ALPK1: variants seen among roughly 807,000 people sequenced by gnomAD.
ALPK1 encodes the protein alpha-protein kinase 1.
ALPK1 carries 110 observed loss-of-function variants against 120.6 expected under a neutral mutation model. That is an observed-to-expected ratio of 0.91 (90% CI 0.78 to 1.07). The LOEUF is 1.07. Ranked by LOEUF, ALPK1 falls within the 50% of genes least tolerant of loss-of-function variation. The pLI, the probability that ALPK1 is intolerant of heterozygous loss-of-function variation, is 0.00. For synonymous variants in ALPK1, 582 were observed against 560.3 expected (o/e 1.04, Z -0.55); for missense variants, 1,498 against 1,483.9 (o/e 1.01, Z -0.16).
rs772356643 is a variant in ALPK1, at chr4:112,377,762, A to G, written c.-16A>G. On this transcript the variant is annotated 5_prime_UTR_variant, in exon 3 of 16. Coordinates refer to ENST00000650871, the MANE Select transcript of ALPK1 (RefSeq NM_025144.4). ...ATCACCCTAGACCCAGGGACACCCA[A>G]TTCATCGTAATCATCATGAATAATC... The G allele has an allele frequency of 1.2e-6, 2 of 1,601,658 alleles. No homozygotes were observed. Among genetic ancestry groups the G allele is most frequent in the Middle Eastern group, 1.7e-4 (1 of 6,022 alleles).
chr4:112,302,848 C>T (rs977152286), intron 1 of ALPK1, among the ~76,000 whole-genome samples: 2 of 152,190 alleles, frequency 1.3e-5, no homozygotes, highest in Non-Finnish European at 2.9e-5. Flanking sequence ...CTCTACTCCT[C>T]GGCTCCATTT....
At chr4:112,410,082 T>C (rs1022492787) in intron 4 of ALPK1, among the ~76,000 whole-genome samples, 5 of 152,178 alleles carry the variant, frequency 3.3e-5, no homozygotes, top group African/African-American at 1.2e-4. Context: ...ATTATGCATA[T>C]GGTATTTATT....
In ALPK1 at chr4:112,364,380, A is replaced by G. The variant is rs184484408; in HGVS notation, c.-100-13298A>G. On this transcript the variant is annotated intron_variant, in intron 2 of 15. Transcript: ENST00000650871. ...CTCAATTAGAAAAGAAATGGAAGAT[A>G]CTACAACTGATACCACAGAAATACA... is the stretch of plus-strand genomic sequence containing the variant. Among the ~76,000 whole-genome samples, 653 of 152,180 alleles carry G rather than the reference A, an allele frequency of 4.3e-3. 4 individuals carry two copies. Among genetic ancestry groups the G allele is most frequent in the Non-Finnish European group, 7.0e-3 (473 of 67,976 alleles).
rs202167520 is a variant in ALPK1 at position 112,377,864 on chromosome 4, G to C, written c.87G>C (p.Ser29=). ...DQLLLEAPDV[S]EEDKSEDQRC... ...TCTTGTTGGAAGCGCCAGATGTGTC[G>C]GAAGAGGACAAGAGCGAGGACCAGC... The change falls in exon 3 of 16, where the codon TCG becomes TCC. Residue 29 remains serine, a synonymous_variant. Transcript: ENST00000650871. The C allele has an allele frequency of 5.0e-6, 8 of 1,613,312 alleles. No individual in the cohort carries two copies. In the Admixed American group the frequency reaches 1.3e-4, roughly 27 times the overall value.
In ALPK1 at chr4:112,431,461, G is replaced by A. The variant is rs1297760278; in HGVS notation, c.1914G>A (p.Met638Ile). The change falls in exon 11 of 16, where the codon ATG becomes ATA. Residue 638 changes from methionine (M) to isoleucine (I), a missense_variant. Physicochemically the swap from Met to Ile is conservative, Grantham distance 10. Coordinates refer to ENST00000650871, the MANE Select transcript of ALPK1 (RefSeq NM_025144.4). ...AGAATGACAGGGAAGGCAGAGCTATGCATTCATTGCATTCACAGCTTCATG... is the reference window on the plus strand; with the variant it reads ...AGAATGACAGGGAAGGCAGAGCTATACATTCATTGCATTCACAGCTTCATG... Reference protein sequence around the residue: ...ELENDREGRAMHSLHSQLHDL... With the variant: ...ELENDREGRAIHSLHSQLHDL... The A allele has an allele frequency of 1.2e-6, 2 of 1,614,212 alleles. No individual in the cohort carries two copies. The highest frequency in any genetic ancestry group is 1.7e-6 in the Non-Finnish European group (2 of 1,180,042).
chr4:112,410,306 C>A (rs902031625), intron 4 of ALPK1, among the ~76,000 whole-genome samples: 2 of 152,180 alleles, frequency 1.3e-5, no homozygotes, highest in Non-Finnish European at 2.9e-5. Flanking sequence ...TGTGTTCAAA[C>A]CCCAGCTCTT....
At chr4:112,333,441 C>G (rs1040626851) in intron 2 of ALPK1, among the ~76,000 whole-genome samples, 4 of 152,178 alleles carry the variant, frequency 2.6e-5, no homozygotes, top group Non-Finnish European at 5.9e-5. Flanking sequence ...GCAGATCACC[C>G]TCACAGATCC....
At chr4:112,435,007 AG>A (rs1490985767) in intron 11 of ALPK1, 140 bp from the exon 12 acceptor site, 1 of 769,620 alleles carries the variant, frequency 1.3e-6, no homozygotes, top group African/African-American at 1.8e-5. Flanking sequence ...TTGTCATAGA[AG>A]AGATGAAAAT....
intron 2 of ALPK1, among the ~76,000 whole-genome samples, chr4:112,369,250 AC>A (rs1217729984): frequency 1.3e-5 from 2 of 152,078 alleles, no homozygotes; most frequent in Non-Finnish European, 2.9e-5. Flanking sequence ...AATGCCTGTT[AC>A]CCAATAATAT....
In ALPK1 at chr4:112,431,725, T is replaced by C. The variant is rs1734564177; in HGVS notation, c.2178T>C (p.Ser726=). Residue 726 remains serine (S), a synonymous_variant, in exon 11 of 16, where the codon TCT becomes TCC. Coordinates refer to ENST00000650871, the MANE Select transcript of ALPK1 (RefSeq NM_025144.4). ...GTTCTGCTTCTTGGTCTTCTGATTC[T>C]GGTAGGCCCAAGAATATGGGCACAC... ...SYRSASWSSD[S]GRPKNMGTHP... 1.2e-6 allele frequency: 2 copies of C among 1,614,224 alleles called. No homozygotes were observed. The highest frequency in any genetic ancestry group is 1.7e-6 in the Non-Finnish European group (2 of 1,180,046).
intron 14 of ALPK1, 127 bp from the exon 15 acceptor site, chr4:112,440,790 A>C: frequency 7.2e-7 from 1 of 1,391,560 alleles, no homozygotes; most frequent in Non-Finnish European, 9.3e-7. Context: ...CAGGATGGCC[A>C]AGTTTTTGAA....
intron 4 of ALPK1, among the ~76,000 whole-genome samples, chr4:112,405,174 C>T (rs1304077366): frequency 1.3e-5 from 2 of 152,156 alleles, no homozygotes; most frequent in African/African-American, 4.8e-5. Context: ...AACTCACTAC[C>T]TGGGCCTCTC....
intron 2 of ALPK1, among the ~76,000 whole-genome samples, chr4:112,363,915 G>C (rs112029669): frequency 5.3e-5 from 8 of 152,226 alleles, no homozygotes; most frequent in African/African-American, 1.9e-4. Context: ...GAACCATCAA[G>C]ACCATGCAAA....
At chr4:112,329,163 A>G (rs1381957967) in intron 2 of ALPK1, among the ~76,000 whole-genome samples, 1 of 152,210 alleles carries the variant, frequency 6.6e-6, no homozygotes, top group Non-Finnish European at 1.5e-5. Context: ...CTTGGGAAGA[A>G]CAAGAAGGCA....
chr4:112,381,469 G>A (rs1008706229), intron 3 of ALPK1, among the ~76,000 whole-genome samples: 1 of 152,104 alleles, frequency 6.6e-6, no homozygotes, highest in African/African-American at 2.4e-5. Context: ...TATTTATATG[G>A]CAGTCATATG....
intron 11 of ALPK1, among the ~76,000 whole-genome samples, chr4:112,433,381 C>A (rs1053085799): frequency 1.3e-5 from 2 of 152,332 alleles, no homozygotes; most frequent in South Asian, 4.1e-4. Flanking sequence ...CTCATCCCAT[C>A]TATGAGGAAT....
At chr4:112,309,569 C>G (rs184423333) in intron 1 of ALPK1, among the ~76,000 whole-genome samples, 1 of 152,044 alleles carries the variant, frequency 6.6e-6, no homozygotes, top group Non-Finnish European at 1.5e-5. Context: ...ATAATCTCCT[C>G]GTATGCCATT....
intron 5 of ALPK1, 60 bp downstream of exon 5, chr4:112,412,085 C>T (rs1359464657): frequency 6.3e-7 from 1 of 1,596,766 alleles, no homozygotes; most frequent in East Asian, 2.2e-5. Context: ...CCCTTCCCTC[C>T]CGAGCTACTT....
rs773794086 is a variant in ALPK1, at chr4:112,349,711, G to A, written c.-100-27967G>A. On this transcript the variant is annotated intron_variant, in intron 2 of 15. Coordinates refer to ENST00000650871, the MANE Select transcript of ALPK1 (RefSeq NM_025144.4). ...TGGGACTACAGGCGTGTACCACCAC[G>A]CCTGGCTAATAGTTTGTATTTTTAG... Among the ~76,000 whole-genome samples the A allele has an allele frequency of 3.3e-5, 5 of 152,020 alleles. No homozygotes were observed. In the East Asian group the frequency reaches 5.8e-4, roughly 18 times the overall value.
Sources: allele counts gnomAD v4.1 joint callset (sites outside exome capture counted in the v4.1 genomes callset), GRCh38; gene constraint gnomAD v4.1.1; transcripts MANE v1.5; gene names NCBI Gene and HGNC (gene_info 2026-07-23, HGNC 2026-07-21).